The following KIF13A variants were observed in gnomAD, a reference collection of about 807,000 sequenced individuals.
The protein encoded by KIF13A is kinesin-like protein KIF13A.
KIF13A carries 79 observed loss-of-function variants against 212.2 expected under a neutral mutation model. The observed-to-expected ratio is 0.37, with a 90% CI of 0.31 to 0.45. The LOEUF (loss-of-function observed/expected upper bound fraction) is 0.45, where lower values mean the gene tolerates loss of function less well. Among genes scored for constraint, KIF13A ranks in the 20% least tolerant of loss-of-function variants. The probability of loss-of-function intolerance (pLI) is 1.00; values close to 1 mark genes in which losing one functional copy is unlikely to be tolerated. For missense variants in KIF13A, 1,901 were observed against 2,209.0 expected (o/e 0.86, Z 2.79); for synonymous variants, 789 against 808.6 (o/e 0.98, Z 0.41).
intron 3 of KIF13A, among the ~76,000 whole-genome samples, chr6:17,879,475 T>C (rs1223565177): frequency 6.6e-6 from 1 of 152,218 alleles, no homozygotes; most frequent in Non-Finnish European, 1.5e-5. Context: ...TACTTTCACA[T>C]GCATGGTTTG....
chr6:17,878,690 TCTAC>T (rs1770792326), intron 3 of KIF13A, among the ~76,000 whole-genome samples: 1 of 152,340 alleles, frequency 6.6e-6, no homozygotes, highest in South Asian at 2.1e-4. Context: ...ATTTTGAGGG[TCTAC>T]CTGTCAGTAA....
intron 2 of KIF13A, among the ~76,000 whole-genome samples, chr6:17,976,368 G>C (rs985739292): frequency 2.0e-5 from 3 of 152,224 alleles, no homozygotes; most frequent in African/African-American, 7.2e-5. Flanking sequence ...GAAATCGAGC[G>C]CAGCGCCGGT....
intron 2 of KIF13A, among the ~76,000 whole-genome samples, chr6:17,955,714 T>G (rs973285342): frequency 6.6e-6 from 1 of 152,230 alleles, no homozygotes; most frequent in African/African-American, 2.4e-5. Flanking sequence ...AACTGTATGC[T>G]AAGTCTATAA....
intron 2 of KIF13A, among the ~76,000 whole-genome samples, chr6:17,976,974 C>T (rs1367118206): frequency 3.3e-5 from 5 of 151,712 alleles, no homozygotes; most frequent in Admixed American, 6.6e-5. Flanking sequence ...TGGTGGCGGG[C>T]GCCTGTAGTA....
At chr6:17,760,955 A>G, downstream of KIF13A, 1 of 1,439,260 alleles carries the variant, frequency 6.9e-7, no homozygotes, top group Non-Finnish European at 9.7e-7. Context: ...CTCTCAGCCC[A>G]GTCCACACCC....
chr6:17,767,559 A>T (rs1759124258), intron 38 of KIF13A, among the ~76,000 whole-genome samples: 1 of 152,206 alleles, frequency 6.6e-6, no homozygotes, highest in East Asian at 1.9e-4. Flanking sequence ...CCGGCACAAA[A>T]TTAAATTTCA....
At chr6:17,761,739 T>C (rs1029187721), downstream of KIF13A, among the ~76,000 whole-genome samples, 5 of 152,190 alleles carry the variant, frequency 3.3e-5, no homozygotes, top group African/African-American at 1.2e-4. Flanking sequence ...TATAACATGT[T>C]TGTAAATTTC....
intron 16 of KIF13A, among the ~76,000 whole-genome samples, chr6:17,823,389 G>A (rs1213524061): frequency 2.0e-5 from 3 of 151,044 alleles, no homozygotes; most frequent in Non-Finnish European, 4.4e-5. Context: ...CTGGCTGGCT[G>A]TCTTTCTCTC....
chr6:17,833,261 G>A (rs1765618004), intron 12 of KIF13A, among the ~76,000 whole-genome samples: 1 of 151,926 alleles, frequency 6.6e-6, no homozygotes, highest in Non-Finnish European at 1.5e-5. Context: ...CTGGGAAGCT[G>A]AGGCAGAAGA....
intron 2 of KIF13A, among the ~76,000 whole-genome samples, chr6:17,983,912 A>G (rs1204575173): frequency 6.6e-6 from 1 of 152,188 alleles, no homozygotes. Flanking sequence ...CTCGTCTTGC[A>G]AAAGTGAACC....
Position 17,772,081 on chromosome 6 carries a change from G to A in KIF13A, c.4325-22C>T. 6.2e-7 allele frequency: 1 copy of A among 1,612,248 alleles called. No individual in the cohort carries two copies. The highest frequency in any genetic ancestry group is 1.1e-5 in the South Asian group (1 of 91,028). ...CAACCTAGGGAAGATGAGAAGTTAT[G>A]AGGTTACAGATGCTGAACACTTTAA... On this transcript the variant is annotated intron_variant, in intron 36 of 38. Transcript: ENST00000259711. The surrounding 1 kb of genome is among the most constrained non-coding windows in gnomAD (Gnocchi z 4.8).
At chr6:17,832,970 C>T (rs12528806) in intron 12 of KIF13A, among the ~76,000 whole-genome samples, 61,911 of 139,182 alleles carry the variant, frequency 0.44, 14,305 homozygotes, top group South Asian at 0.55. Context: ...GCCGAGATTG[C>T]GCCACTGCAC....
In KIF13A at chr6:17,900,144, T is replaced by C. The variant is rs771950114; in HGVS notation, c.147-1964A>G. Among the ~76,000 whole-genome samples, 14 of 152,176 alleles carry C rather than the reference T, an allele frequency of 9.2e-5. No individual in the cohort carries two copies. Among genetic ancestry groups the C allele is most frequent in the Non-Finnish European group, 1.6e-4 (11 of 68,030 alleles). ...GGTAATTAAATATAGGTTTCCCATTTATGTTATGATGAACCCAGTAACCCA... is the reference window on the plus strand; with the variant it reads ...GGTAATTAAATATAGGTTTCCCATTCATGTTATGATGAACCCAGTAACCCA... On this transcript the variant is annotated intron_variant, in intron 2 of 38. Coordinates refer to ENST00000259711, the MANE Select transcript of KIF13A (RefSeq NM_022113.6). The surrounding 1 kb of genome is among the most constrained non-coding windows in gnomAD (Gnocchi z 4.6).
intron 2 of KIF13A, among the ~76,000 whole-genome samples, chr6:17,979,328 A>G (rs55884835): frequency 0.073 from 11,182 of 152,256 alleles, 475 homozygotes; most frequent in Middle Eastern, 0.13. Context: ...TTAACAAACT[A>G]TCCTTATGAA....
intron 9 of KIF13A, among the ~76,000 whole-genome samples, chr6:17,840,208 A>G (rs1337941358): frequency 6.6e-6 from 1 of 152,184 alleles, no homozygotes; most frequent in Non-Finnish European, 1.5e-5. Flanking sequence ...ACACTTTACA[A>G]TGGTGAATTA....
Position 17,783,634 on chromosome 6 carries a change from G to A in KIF13A, c.3544+12C>T. The A allele has an allele frequency of 7.8e-6, 12 of 1,530,904 alleles. No individual in the cohort carries two copies. Among genetic ancestry groups the A allele is most frequent in the Non-Finnish European group, 1.1e-5 (12 of 1,118,062 alleles). 94.8% of individuals were successfully genotyped at this position (1,530,904 alleles called of 1,614,324 possible). A position where few individuals can be genotyped will look rare whatever the true frequency, so the allele number is the denominator to read the frequency against. ...AATACAATAATCCCTGTGACTTTAA[G>A]TGTCTACTTACCATTCAAATCGAGG... On this transcript the variant is annotated intron_variant, in intron 29 of 38. Coordinates refer to ENST00000259711, the MANE Select transcript of KIF13A (RefSeq NM_022113.6). The surrounding 1 kb of genome is among the most constrained non-coding windows in gnomAD (Gnocchi z 4.3).
Position 17,872,415 on chromosome 6 carries a change from G to A in KIF13A, c.220+962C>T, listed in dbSNP as rs1025602329. ...CACTCAGTAGGAAGAAATAGTTCAC[G>A]AGCTCTATTGTACAACACGGTGACT... On this transcript the variant is annotated intron_variant, in intron 4 of 38. Coordinates refer to ENST00000259711, the MANE Select transcript of KIF13A (RefSeq NM_022113.6). The surrounding 1 kb of genome is among the most constrained non-coding windows in gnomAD (Gnocchi z 4.7). Among the ~76,000 whole-genome samples the A allele has an allele frequency of 1.1e-4, 16 of 152,156 alleles. No individual in the cohort carries two copies. The highest frequency in any genetic ancestry group is 8.3e-4 in the South Asian group (4 of 4,828).
At chr6:17,866,826 CGCATATATATATAT>C (rs1193323719) in intron 4 of KIF13A, among the ~76,000 whole-genome samples, 2,306 of 122,026 alleles carry the variant, frequency 0.019, 68 homozygotes, top group South Asian at 0.079. Context: ...AAAAAAGCAG[CGCATATATATATAT>C]ATATATATAT....
chr6:17,778,899 G>C, intron 33 of KIF13A, 48 bp downstream of exon 33: 1 of 1,544,964 alleles, frequency 6.5e-7, no homozygotes, highest in East Asian at 2.4e-5. Context: ...GTCCATTGGG[G>C]GTGAAGGCTG....
Sources: allele counts gnomAD v4.1 joint callset (sites outside exome capture counted in the v4.1 genomes callset), GRCh38; gene constraint gnomAD v4.1.1; non-coding constraint Gnocchi (gnomAD v3.1); transcripts MANE v1.5; gene names NCBI Gene and HGNC (gene_info 2026-07-23, HGNC 2026-07-21).